The following PRKDC variants were observed in gnomAD, a reference collection of about 807,000 sequenced individuals.
PRKDC encodes DNA-dependent protein kinase catalytic subunit.
PRKDC carries 82 observed loss-of-function variants against 486.9 expected under a neutral mutation model. That is an observed-to-expected ratio of 0.17 (90% CI 0.14 to 0.20). PRKDC has a LOEUF of 0.20. Ranked by LOEUF, PRKDC falls within the 10% of genes least tolerant of loss-of-function variation. The pLI is 1.00. For missense variants in PRKDC, 4,504 were observed against 5,038.2 expected, an observed-to-expected ratio of 0.89 and a Z score of 3.21; for synonymous variants, 1,895 against 1,837.0, an observed-to-expected ratio of 1.03 and a Z score of -0.81.
intron 56 of PRKDC, 76 bp from the exon 57 acceptor site, chr8:47,837,495 G>C: frequency 8.5e-7 from 1 of 1,182,896 alleles, no homozygotes. Flanking sequence ...AGGGTGTCCT[G>C]TGGAGAAGGC....
At chr8:47,891,666 G>A (rs537443677) in intron 31 of PRKDC, among the ~76,000 whole-genome samples, 2 of 152,124 alleles carry the variant, frequency 1.3e-5, no homozygotes, top group East Asian at 3.9e-4. Flanking sequence ...CTTGCAGTGA[G>A]CCAAGATCGC....
At chr8:47,780,672 G>T (rs1277425081) in intron 80 of PRKDC, among the ~76,000 whole-genome samples, 1 of 152,164 alleles carries the variant, frequency 6.6e-6, no homozygotes, top group Non-Finnish European at 1.5e-5. Context: ...GGGCGCAGTG[G>T]CTCAGGCCTG....
chr8:47,798,474 C>T, intron 72 of PRKDC, 77 bp from the exon 73 acceptor site: 1 of 1,408,178 alleles, frequency 7.1e-7, no homozygotes. Context: ...AATGCTAACA[C>T]TTTCCCTTTT....
At chr8:47,959,460 C>T (rs1276349828) in intron 1 of PRKDC, among the ~76,000 whole-genome samples, 4 of 151,966 alleles carry the variant, frequency 2.6e-5, no homozygotes, top group East Asian at 1.9e-4. Context: ...GGGGGGATCA[C>T]GAGGTCAGGA....
intron 76 of PRKDC, 102 bp from the exon 77 acceptor site, chr8:47,785,419 T>G (rs1372464128): frequency 1.1e-6 from 1 of 926,664 alleles, no homozygotes; most frequent in African/African-American, 1.7e-5. Context: ...CAATGGTATA[T>G]GTTTCTTCTC....
intron 19 of PRKDC, among the ~76,000 whole-genome samples, chr8:47,928,837 G>A (rs1184022141): frequency 3.9e-5 from 6 of 152,050 alleles, no homozygotes; most frequent in South Asian, 4.2e-4. Flanking sequence ...GATTACAGGC[G>A]TGCACCACCA....
chr8:47,891,638 T>C (rs971492338), intron 31 of PRKDC, among the ~76,000 whole-genome samples: 2 of 151,996 alleles, frequency 1.3e-5, no homozygotes, highest in Non-Finnish European at 2.9e-5. Context: ...GAGAATGGCA[T>C]GATCCCGGGA....
chr8:47,881,970 T>G lies in PRKDC; in HGVS notation c.4904A>C (p.Lys1635Thr). 1 of 1,613,958 alleles carries G rather than the reference T, an allele frequency of 6.2e-7. No individual in the cohort carries two copies. The highest frequency in any genetic ancestry group is 1.3e-5 in the African/African-American group (1 of 75,058). The change falls in exon 37 of 86, where the codon AAA becomes ACA. Residue 1635 changes from lysine to threonine, a missense_variant. Transcript: ENST00000314191. The part of the protein sequence containing the change: ...HWKKCDSWWA[K>T]DSPLETKMAV... ...CATTTTAGTTTCGAGAGGGGAATCT[T>G]TGGCCCACCATGAATCACACTTCTT...
chr8:47,788,982 A>AT lies in PRKDC; in HGVS notation c.10825dup (p.Met3609AsnfsTer3). The AT allele has an allele frequency of 6.2e-7, 1 of 1,612,880 alleles. No homozygotes were observed. Among genetic ancestry groups the AT allele is most frequent in the Non-Finnish European group, 8.5e-7 (1 of 1,179,546 alleles). ...CAAGGCTGCATACATTCTTTCATAC[A>AT]TTTTTTCAATGTTTTTTTTATTTAC... On this transcript the variant is annotated frameshift_variant, in exon 76 of 86. Coordinates refer to ENST00000314191, the MANE Select transcript of PRKDC (RefSeq NM_006904.7). LOFTEE classifies it high-confidence loss of function.
Position 47,936,500 on chromosome 8 carries a change from G to A in PRKDC, c.1131C>T (p.Asn377=), listed in dbSNP as rs1287171364. Residue 377 remains asparagine, a synonymous_variant, in exon 12 of 86, where the codon AAC becomes AAT. Coordinates refer to ENST00000314191, the MANE Select transcript of PRKDC (RefSeq NM_006904.7). The part of the protein sequence containing the change: ...GLFAGPCKVI[N]AKDVDFMYVE... Reference sequence around the variant, plus strand: ...CGTACATGAAGTCAACATCTTTTGCGTTTATAACCTTGCACGGCTTTAGAA... The same window carrying A: ...CGTACATGAAGTCAACATCTTTTGCATTTATAACCTTGCACGGCTTTAGAA... 20 of 1,613,802 alleles carry A rather than the reference G, an allele frequency of 1.2e-5. No homozygotes were observed. The highest frequency in any genetic ancestry group is 4.0e-5 in the African/African-American group (3 of 74,912).
intron 68 of PRKDC, among the ~76,000 whole-genome samples, chr8:47,812,933 G>A (rs949766684): frequency 4.6e-5 from 7 of 151,814 alleles, no homozygotes; most frequent in Middle Eastern, 3.4e-3. Context: ...TAATAAAAAG[G>A]ATGAGAATAA....
rs768685058 is a variant in PRKDC at position 47,821,707 on chromosome 8, T to C, written c.9008A>G (p.Asn3003Ser). The change falls in exon 65 of 86, where the codon AAC (asparagine) becomes AGC (serine). Residue 3003 changes from asparagine (N) to serine (S), a missense_variant. This residue lies in a region of PRKDC where 1,592 missense variants were observed against 1,724.6 expected (regional missense o/e 0.92). Coordinates refer to ENST00000314191, the MANE Select transcript of PRKDC (RefSeq NM_006904.7). ...FWELASLDCY[N>S]HLAEWKSLEY... is the part of the protein sequence containing the mutation. ...AAGTGATTTCCACTCAGCAAGGTGG[T>C]TGTAACAGTCAAGGGATGCAAGTTC... is the stretch of plus-strand genomic sequence containing the variant. 2 of 1,601,290 alleles carry C rather than the reference T, an allele frequency of 1.2e-6. No homozygotes were observed. Among genetic ancestry groups the C allele is most frequent in the Admixed American group, 1.7e-5 (1 of 58,314 alleles).
In PRKDC at chr8:47,778,600, G is replaced by A. The variant is rs765475039; in HGVS notation, c.11712C>T (p.Phe3904=). Reference sequence around the variant, plus strand: ...TGCATATCAGAGCGTGAGAGCTGGCGAAGTGGGAGCGGAGCGCCAGGAAAG... The same window carrying A: ...TGCATATCAGAGCGTGAGAGCTGGCAAAGTGGGAGCGGAGCGCCAGGAAAG... ...PEAFLALRSH[F]ASSHALICIS... is the part of the protein sequence containing the mutation. The change falls in exon 83 of 86, where the codon TTC becomes TTT. Residue 3904 remains phenylalanine, a synonymous_variant. Coordinates refer to ENST00000314191, the MANE Select transcript of PRKDC (RefSeq NM_006904.7). 2.7e-5 allele frequency: 44 copies of A among 1,613,616 alleles called. No homozygotes were observed. The highest frequency in any genetic ancestry group is 4.5e-5 in the East Asian group (2 of 44,884).
At chr8:47,821,504 A>T (rs1160105768) in intron 65 of PRKDC, 100 bp downstream of exon 65, 6 of 1,178,418 alleles carry the variant, frequency 5.1e-6, no homozygotes, top group Admixed American at 2.0e-5. Context: ...CTAGTGCTTC[A>T]CAAGTACTAC....
At chr8:47,831,960 C>A (rs1485161648) in intron 59 of PRKDC, 34 bp from the exon 60 acceptor site, 1 of 1,571,036 alleles carries the variant, frequency 6.4e-7, no homozygotes, top group Admixed American at 1.7e-5. Context: ...TTACTCCCCG[C>A]CGCCCAGACA....
At chr8:47,938,568 A>G (rs2090391785) in intron 11 of PRKDC, among the ~76,000 whole-genome samples, 1 of 149,746 alleles carries the variant, frequency 6.7e-6, no homozygotes, top group Admixed American at 6.6e-5. Flanking sequence ...TTTTTTCTTT[A>G]AAAAAAAATT....
At chr8:47,799,980 A>C in intron 71 of PRKDC, among the ~76,000 whole-genome samples, 1 of 152,328 alleles carries the variant, frequency 6.6e-6, no homozygotes, top group Non-Finnish European at 1.5e-5. Context: ...AGTTCTTTTA[A>C]TTCAAAAAAA....
intron 1 of PRKDC, 61 bp from the exon 2 acceptor site, chr8:47,957,492 C>T (rs1374098454): frequency 7.7e-7 from 1 of 1,302,904 alleles, no homozygotes; most frequent in Non-Finnish European, 1.1e-6. Flanking sequence ...TAAACCACTC[C>T]TAAAGGGGTT....
At position 47,852,727 on chromosome 8, in the gene PRKDC, G is replaced by A. The variant is rs114463099; in HGVS notation, c.6951C>T (p.Ala2317=). 1.7e-4 allele frequency: 273 copies of A among 1,581,432 alleles called. No individual in the cohort carries two copies. In the African/African-American group the frequency reaches 3.2e-3, roughly 18 times the overall value. The change falls in exon 52 of 86, where the codon GCC becomes GCT. Residue 2317 remains alanine (A), a synonymous_variant. Coordinates refer to ENST00000314191, the MANE Select transcript of PRKDC (RefSeq NM_006904.7). ...MSFVRYKEVY[A]AAAEVLGLIL... is the part of the protein sequence containing the mutation. ...TAAGTCCTAGAACTTCTGCTGCAGC[G>A]GCATACACTTCTTTATATCTTACAA...
Sources: allele counts gnomAD v4.1 joint callset (sites outside exome capture counted in the v4.1 genomes callset), GRCh38; gene constraint gnomAD v4.1.1; regional missense constraint gnomAD v4.1.1; transcripts MANE v1.5; gene names NCBI Gene and HGNC (gene_info 2026-07-23, HGNC 2026-07-21).